FAM110B: variants seen among roughly 807,000 people sequenced by gnomAD.
The protein encoded by FAM110B is protein FAM110B.
FAM110B carries 6 observed loss-of-function variants against 20.4 expected under a neutral mutation model. The observed-to-expected ratio is 0.29, with a 90% CI of 0.16 to 0.58. FAM110B has a LOEUF of 0.58. FAM110B is among the 20% of genes least tolerant of loss of function. The pLI, the probability that FAM110B is intolerant of heterozygous loss-of-function variation, is 0.90. For synonymous variants in FAM110B, 226 were observed against 214.1 expected (o/e 1.06, Z -0.49); for missense variants, 434 against 498.2 (o/e 0.87, Z 1.23).
intron 3 of FAM110B, among the ~76,000 whole-genome samples, chr8:58,097,247 A>T (rs943369851): frequency 6.6e-6 from 1 of 152,008 alleles, no homozygotes; most frequent in African/African-American, 2.4e-5. Flanking sequence ...GTTCCTTTTC[A>T]TTCTTTTTTC....
chr8:58,102,160 C>A (rs1342059951), intron 3 of FAM110B, among the ~76,000 whole-genome samples: 1 of 152,200 alleles, frequency 6.6e-6, no homozygotes, highest in African/African-American at 2.4e-5. Context: ...TGTTAAGAGA[C>A]CCAGACTGCA....
At chr8:57,998,903 A>G (rs562424035) in intron 1 of FAM110B, among the ~76,000 whole-genome samples, 6 of 152,204 alleles carry the variant, frequency 3.9e-5, no homozygotes, top group South Asian at 2.1e-4. Flanking sequence ...AATCATGCCT[A>G]TGTCATTTTG....
At chr8:58,071,590 G>A (rs73682110) in intron 2 of FAM110B, among the ~76,000 whole-genome samples, 37 of 152,244 alleles carry the variant, frequency 2.4e-4, no homozygotes, top group African/African-American at 8.9e-4. Flanking sequence ...GTAAACTTCC[G>A]AGTACTTACC....
intron 2 of FAM110B, among the ~76,000 whole-genome samples, chr8:58,037,342 A>G (rs560803221): frequency 7.3e-5 from 11 of 151,526 alleles, no homozygotes; most frequent in South Asian, 6.2e-4. Context: ...TTTAATTAAA[A>G]TGTCCTCCAA....
chr8:58,048,832 T>C (rs1238471696), intron 2 of FAM110B, among the ~76,000 whole-genome samples: 1 of 152,220 alleles, frequency 6.6e-6, no homozygotes, highest in Non-Finnish European at 1.5e-5. Flanking sequence ...TCAGAAATTT[T>C]TTTTAGGAAT....
intron 3 of FAM110B, among the ~76,000 whole-genome samples, chr8:58,140,022 G>A (rs548468583): frequency 9.5e-4 from 144 of 152,294 alleles, no homozygotes; most frequent in African/African-American, 2.7e-3. Flanking sequence ...TCAGGCAGAC[G>A]GAGCAGCAGG....
At chr8:58,061,761 A>G (rs1805662367) in intron 2 of FAM110B, among the ~76,000 whole-genome samples, 1 of 152,228 alleles carries the variant, frequency 6.6e-6, no homozygotes, top group Non-Finnish European at 1.5e-5. Flanking sequence ...CTCCCAGGTC[A>G]CTGATACTGT....
At chr8:58,118,009 A>G (rs916848675) in intron 3 of FAM110B, among the ~76,000 whole-genome samples, 1 of 152,234 alleles carries the variant, frequency 6.6e-6, no homozygotes, top group South Asian at 2.1e-4. Flanking sequence ...TCCAGAAAAT[A>G]TCGGAAAGAT....
intron 2 of FAM110B, among the ~76,000 whole-genome samples, chr8:58,042,199 G>T (rs1489967033): frequency 1.3e-5 from 2 of 152,128 alleles, no homozygotes; most frequent in Non-Finnish European, 2.9e-5. Flanking sequence ...CTAGTGTATG[G>T]TACTAATTGC....
chr8:58,022,135 C>T (rs905900799), intron 1 of FAM110B, among the ~76,000 whole-genome samples: 2 of 152,178 alleles, frequency 1.3e-5, no homozygotes, highest in Non-Finnish European at 2.9e-5. Flanking sequence ...TTAGCCTGTT[C>T]ATGCACAAGA....
chr8:58,027,093 T>C (rs1804868763), intron 1 of FAM110B, among the ~76,000 whole-genome samples: 2 of 152,220 alleles, frequency 1.3e-5, no homozygotes, highest in Non-Finnish European at 2.9e-5. Context: ...CTCTCCTGTA[T>C]GTCACTCTCC....
At position 58,040,830 on chromosome 8, in the gene FAM110B, A is replaced by G. The variant is rs915338701; in HGVS notation, c.-414+9127A>G. 3.9e-5 allele frequency among the ~76,000 whole-genome samples: 6 copies of G among 151,920 alleles called. No individual in the cohort carries two copies. The East Asian group carries it at 5.8e-4, about 15-fold the overall frequency. On this transcript the variant is annotated intron_variant, in intron 2 of 3. Transcript: ENST00000519262. ...TTATGATATTTCTTCTTTCTCTACT[A>G]TCCTTAAGTTGGCATACCATGGTTT...
chr8:58,000,944 A>G (rs929486624), intron 1 of FAM110B, among the ~76,000 whole-genome samples: 24 of 152,210 alleles, frequency 1.6e-4, no homozygotes, highest in Non-Finnish European at 5.9e-5. Flanking sequence ...TTGTTTAGTG[A>G]CAATGATAGA....
In FAM110B at chr8:58,115,930, C is replaced by A. The variant is rs1206873694; in HGVS notation, c.-324-29977C>A. Among the ~76,000 whole-genome samples the A allele has an allele frequency of 3.3e-5, 5 of 152,128 alleles. No homozygotes were observed. The East Asian group carries it at 7.7e-4, about 23-fold the overall frequency. On this transcript the variant is annotated intron_variant, in intron 3 of 3. Coordinates refer to ENST00000519262, the MANE Select transcript of FAM110B (RefSeq NM_001377989.1). ...CAGAGAAAGGCCCAGATTGGAATCC[C>A]AGCCCAACCACTTGGAAGCACTTTG...
chr8:58,127,018 TAAC>T (rs1182068041), intron 3 of FAM110B, among the ~76,000 whole-genome samples: 1 of 152,236 alleles, frequency 6.6e-6, no homozygotes, highest in African/African-American at 2.4e-5. Context: ...TTCCTAATAA[TAAC>T]ATTTTTTTAT....
chr8:58,006,923 A>ATATATATATTTTTTTTTTT, intron 1 of FAM110B, among the ~76,000 whole-genome samples: 96 of 126,528 alleles, frequency 7.6e-4, no homozygotes, highest in Admixed American at 1.4e-3. Context: ...ATATATATAT[A>ATATATATATTTTTTTTTTT]TTTTTCCAAA....
intron 3 of FAM110B, among the ~76,000 whole-genome samples, chr8:58,103,935 C>T (rs1218875938): frequency 6.6e-6 from 1 of 152,212 alleles, no homozygotes; most frequent in African/African-American, 2.4e-5. Context: ...GTAGCTGGAA[C>T]TCTGTCATTC....
chr8:58,023,901 A>G (rs1804804142), intron 1 of FAM110B, among the ~76,000 whole-genome samples: 1 of 152,226 alleles, frequency 6.6e-6, no homozygotes, highest in Admixed American at 6.5e-5. Context: ...TGAGCTGTGT[A>G]GCACTCTTTT....
intron 1 of FAM110B, among the ~76,000 whole-genome samples, chr8:57,999,168 T>C (rs1257687666): frequency 6.6e-6 from 1 of 152,252 alleles, no homozygotes; most frequent in Admixed American, 6.5e-5. Flanking sequence ...TAAACCGGCA[T>C]TAAATCTATG....
Sources: allele counts gnomAD v4.1 joint callset (sites outside exome capture counted in the v4.1 genomes callset), GRCh38; gene constraint gnomAD v4.1.1; transcripts MANE v1.5; gene names NCBI Gene and HGNC (gene_info 2026-07-23, HGNC 2026-07-21).